JARID2: variants seen among roughly 807,000 people sequenced by gnomAD.
The protein encoded by JARID2 is protein Jumonji.
A neutral mutation model predicts 125.6 loss-of-function variants in JARID2; 21 were observed. The observed-to-expected ratio is 0.17, with a 90% confidence interval of 0.12 to 0.24. The LOEUF (loss-of-function observed/expected upper bound fraction) is 0.24, where lower values mean the gene tolerates loss of function less well. Ranked by LOEUF, JARID2 falls within the 10% of genes least tolerant of loss-of-function variation. The pLI is 1.00. For missense variants in JARID2, 1,303 were observed against 1,639.6 expected (o/e 0.79, Z 3.55); for synonymous variants, 736 against 661.6 (o/e 1.11, Z -1.73).
At chr6:15,438,018 T>G (rs2282825) in intron 3 of JARID2, among the ~76,000 whole-genome samples, 82,248 of 151,916 alleles carry the variant, frequency 0.54, 22,789 homozygotes, top group African/African-American at 0.64. Context: ...CCCACACAGG[T>G]TTAATGTCTT....
At position 15,258,652 on chromosome 6, in the gene JARID2, A is replaced by G. The variant is rs192855371; in HGVS notation, c.45+12068A>G. 9.2e-5 allele frequency among the ~76,000 whole-genome samples: 14 copies of G among 152,190 alleles called. 1 individual carries two copies. The highest frequency in any genetic ancestry group is 2.9e-4 in the African/African-American group (12 of 41,548). ...CAAAAATTAGCCAGGTGTGGTGGCA[A>G]GCGCCTGTAATCCCAGCTACTTGGG... On this transcript the variant is annotated intron_variant, in intron 1 of 17. Transcript: ENST00000341776.
At chr6:15,512,468 C>T (rs928203467) in intron 14 of JARID2, 78 bp downstream of exon 14, 120 of 1,307,252 alleles carry the variant, frequency 9.2e-5, no homozygotes, top group Non-Finnish European at 9.7e-5. Context: ...ACAGAAGCAT[C>T]CCTGCGTGTG....
intron 1 of JARID2, among the ~76,000 whole-genome samples, chr6:15,280,282 C>T (rs550206822): frequency 1.3e-5 from 2 of 152,242 alleles, no homozygotes; most frequent in Admixed American, 6.5e-5. Flanking sequence ...AATGTTGCTT[C>T]TCTAAATTCG....
At chr6:15,312,251 C>G (rs1314442395) in intron 1 of JARID2, among the ~76,000 whole-genome samples, 1 of 152,190 alleles carries the variant, frequency 6.6e-6, no homozygotes, top group African/African-American at 2.4e-5. Context: ...GACAGGGTTT[C>G]ACTGTCTTGG....
intron 1 of JARID2, among the ~76,000 whole-genome samples, chr6:15,350,641 G>A (rs1286315533): frequency 6.6e-6 from 1 of 151,638 alleles, no homozygotes; most frequent in Non-Finnish European, 1.5e-5. Flanking sequence ...CTTCCTTATA[G>A]TCATCGTTGG....
intron 1 of JARID2, among the ~76,000 whole-genome samples, chr6:15,263,482 A>G (rs1427993175): frequency 2.6e-5 from 4 of 152,126 alleles, no homozygotes; most frequent in African/African-American, 9.7e-5. Flanking sequence ...GAGTTCTTCA[A>G]AGGAGGAGGG....
intron 1 of JARID2, among the ~76,000 whole-genome samples, chr6:15,339,897 GA>G (rs1369141509): frequency 6.6e-6 from 1 of 151,988 alleles, no homozygotes; most frequent in African/African-American, 2.4e-5. Flanking sequence ...TCACCAGGGA[GA>G]AAAAACTCAG....
chr6:15,508,996 C>T (rs771850822), intron 12 of JARID2: 20 of 1,289,208 alleles, frequency 1.6e-5, no homozygotes, highest in South Asian at 4.9e-5. Context: ...CCTCATCTAT[C>T]GGTGGCTGTG....
Position 15,428,878 on chromosome 6 carries a change from C to T in JARID2, c.323+18513C>T, listed in dbSNP as rs569127526. On this transcript the variant is annotated intron_variant, in intron 3 of 17. Coordinates refer to ENST00000341776, the MANE Select transcript of JARID2 (RefSeq NM_004973.4). ...TTGAGATAGCACCACTGCACTCCAA[C>T]CTGGGGGACACAGCGAGACTCTGTC... Among the ~76,000 whole-genome samples, 3 of 150,018 alleles carry T rather than the reference C, an allele frequency of 2.0e-5. No homozygotes were observed. In the South Asian group the frequency reaches 6.4e-4, roughly 32 times the overall value.
intron 1 of JARID2, among the ~76,000 whole-genome samples, chr6:15,285,082 T>C (rs1760941177): frequency 6.6e-6 from 1 of 151,750 alleles, no homozygotes; most frequent in Non-Finnish European, 1.5e-5. Context: ...AATTGAACTT[T>C]TGCATTAATG....
At chr6:15,318,895 C>T (rs1459672104) in intron 1 of JARID2, among the ~76,000 whole-genome samples, 1 of 152,198 alleles carries the variant, frequency 6.6e-6, no homozygotes, top group Non-Finnish European at 1.5e-5. Flanking sequence ...GCCATAATGG[C>T]TTGTCCAAAG....
At chr6:15,353,300 A>G (rs1763491708) in intron 1 of JARID2, among the ~76,000 whole-genome samples, 1 of 152,200 alleles carries the variant, frequency 6.6e-6, no homozygotes, top group South Asian at 2.1e-4. Context: ...AATGATATTG[A>G]GCATGTTTTC....
chr6:15,270,121 C>T (rs556230547), intron 1 of JARID2, among the ~76,000 whole-genome samples: 15 of 152,168 alleles, frequency 9.9e-5, no homozygotes, highest in Middle Eastern at 3.4e-3. Context: ...TCCTTCAGTC[C>T]GTCCATCTGT....
intron 1 of JARID2, among the ~76,000 whole-genome samples, chr6:15,312,691 C>T (rs188227796): frequency 6.6e-6 from 1 of 152,190 alleles, no homozygotes; most frequent in African/African-American, 2.4e-5. Context: ...TCAGTAGTCT[C>T]CTCTCTTTCT....
intron 3 of JARID2, among the ~76,000 whole-genome samples, chr6:15,450,224 C>T (rs1170489329): frequency 1.3e-5 from 2 of 152,082 alleles, no homozygotes; most frequent in African/African-American, 4.8e-5. Context: ...GGCTGGAGTG[C>T]AGTGGCGTGA....
At chr6:15,297,893 C>A (rs1761470237) in intron 1 of JARID2, among the ~76,000 whole-genome samples, 2 of 144,076 alleles carry the variant, frequency 1.4e-5, no homozygotes, top group Admixed American at 6.9e-5. Flanking sequence ...ATGTGTAGTA[C>A]AGAAAATTTA....
At chr6:15,385,211 CTGTTTAGCTCTA>C (rs1179266979) in intron 2 of JARID2, among the ~76,000 whole-genome samples, 2 of 152,176 alleles carry the variant, frequency 1.3e-5, no homozygotes, top group Admixed American at 1.3e-4. Context: ...AAAGCATACT[CTGTTTAGCTCTA>C]GCTGATCCTT....
At chr6:15,343,743 A>G (rs929051371) in intron 1 of JARID2, among the ~76,000 whole-genome samples, 7 of 152,176 alleles carry the variant, frequency 4.6e-5, no homozygotes, top group Admixed American at 4.6e-4. Flanking sequence ...GTTTAGACTA[A>G]TGTACATTGA....
chr6:15,319,721 CTG>C (rs1325221243), intron 1 of JARID2, among the ~76,000 whole-genome samples: 10 of 152,160 alleles, frequency 6.6e-5, no homozygotes, highest in Non-Finnish European at 1.2e-4. Flanking sequence ...GAAGTGAGAT[CTG>C]TGTTTGAGGG....
Sources: gnomAD v4.1 joint callset for allele counts (sites outside exome capture counted in the v4.1 genomes callset) on GRCh38, gnomAD v4.1.1 for gene constraint, MANE v1.5 for transcripts, NCBI Gene and HGNC (gene_info 2026-07-23, HGNC 2026-07-21) for gene names.